Variants in SYNPO observed in about 807,000 individuals in gnomAD.
SYNPO encodes synaptopodin.
Under a neutral mutation model 49.5 loss-of-function variants are expected in SYNPO, and 19 were observed. The observed-to-expected ratio is 0.38, with a 90% CI of 0.27 to 0.56. The LOEUF (loss-of-function observed/expected upper bound fraction) is 0.56. SYNPO is among the 20% of genes least tolerant of loss of function. The pLI, the probability that SYNPO is intolerant of heterozygous loss-of-function variation, is 0.68. For missense variants in SYNPO, 1,131 were observed against 1,248.3 expected (o/e 0.91, Z 1.42); for synonymous variants, 536 against 548.0 (o/e 0.98, Z 0.31).
At chr5:150,625,706 C>T (rs114897955) in intron 2 of SYNPO, among the ~76,000 whole-genome samples, 1,555 of 152,334 alleles carry the variant, frequency 0.01, 21 homozygotes, top group African/African-American at 0.036. Context: ...CTGGCAGGAC[C>T]TCTTTGAGGA....
intron 1 of SYNPO, among the ~76,000 whole-genome samples, chr5:150,617,218 T>C (rs1757005302): frequency 6.6e-6 from 1 of 152,204 alleles, no homozygotes; most frequent in African/African-American, 2.4e-5. Flanking sequence ...GGCTGGCTTG[T>C]TGATCGTCAC....
the SYNPO span, among the ~76,000 whole-genome samples, chr5:150,593,964 T>C: frequency 6.6e-6 from 1 of 152,128 alleles, no homozygotes; most frequent in African/African-American, 2.4e-5. Context: ...TGCTTGGTTC[T>C]GGAATAATAA....
chr5:150,587,326 A>G, the SYNPO span, among the ~76,000 whole-genome samples: 1 of 152,086 alleles, frequency 6.6e-6, no homozygotes, highest in East Asian at 1.9e-4. Context: ...TGAATGCTGC[A>G]TGTAGGTATA....
At chr5:150,652,143 G>A in intron 2 of SYNPO, 1 of 1,002,062 alleles carries the variant, frequency 1.0e-6, no homozygotes, top group Non-Finnish European at 1.2e-6. Context: ...TGGGGGAGTT[G>A]TGAGTGAGCT....
At chr5:150,638,668 G>A (rs539993576), upstream of SYNPO, among the ~76,000 whole-genome samples, 24 of 152,332 alleles carry the variant, frequency 1.6e-4, no homozygotes, top group African/African-American at 5.3e-4. Context: ...TTTGTGGCGG[G>A]CCCAGAGTGT....
At chr5:150,608,966 C>T (rs533544156) in intron 1 of SYNPO, among the ~76,000 whole-genome samples, 3 of 152,170 alleles carry the variant, frequency 2.0e-5, no homozygotes, top group Admixed American at 2.0e-4. Flanking sequence ...GTAAAGTAAC[C>T]GGGGCAAGTT....
chr5:150,611,184 A>C (rs1159226534), intron 1 of SYNPO, among the ~76,000 whole-genome samples: 1 of 152,150 alleles, frequency 6.6e-6, no homozygotes, highest in East Asian at 1.9e-4. Context: ...ACACCATCTG[A>C]CATACTTTCT....
chr5:150,595,330 T>G, the SYNPO span, among the ~76,000 whole-genome samples: 1 of 152,274 alleles, frequency 6.6e-6, no homozygotes, highest in East Asian at 1.9e-4. Context: ...ATGCTAATGC[T>G]GGAAGGATCT....
At chr5:150,608,142 T>C (rs1756745013) in intron 1 of SYNPO, among the ~76,000 whole-genome samples, 1 of 152,272 alleles carries the variant, frequency 6.6e-6, no homozygotes, top group Admixed American at 6.5e-5. Context: ...TTATCACTGG[T>C]TGTTGTTGGT....
At chr5:150,622,697 G>A (rs1231685056) in intron 2 of SYNPO, among the ~76,000 whole-genome samples, 1 of 152,154 alleles carries the variant, frequency 6.6e-6, no homozygotes, top group Admixed American at 6.5e-5. Flanking sequence ...TGGTCACTGG[G>A]CCCAGAACAA....
exon 2 of SYNPO, chr5:150,618,219 T>A (rs1041915775): frequency 9.2e-6 from 9 of 979,298 alleles, no homozygotes; most frequent in Non-Finnish European, 1.3e-5. Flanking sequence ...ACCCCAATTC[T>A]GTGAATCAGC....
At chr5:150,631,849 T>C (rs1313117759) in intron 2 of SYNPO, among the ~76,000 whole-genome samples, 1 of 152,162 alleles carries the variant, frequency 6.6e-6, no homozygotes, top group Non-Finnish European at 1.5e-5. Context: ...AGTGCGTTCC[T>C]GGGCAGGAGG....
exon 1 of SYNPO, chr5:150,601,088 A>T (rs1275550484): frequency 6.6e-6 from 1 of 152,066 alleles, no homozygotes; most frequent in Non-Finnish European, 1.5e-5. Context: ...ACAGAGCGCG[A>T]GTGAGGAGCA....
At chr5:150,591,709 A>C in the SYNPO span, among the ~76,000 whole-genome samples, 1 of 152,240 alleles carries the variant, frequency 6.6e-6, no homozygotes, top group Non-Finnish European at 1.5e-5. Flanking sequence ...GTACATAGTA[A>C]CCATGTAAAT....
chr5:150,638,881 G>T (rs1158718414), upstream of SYNPO, among the ~76,000 whole-genome samples: 1 of 152,212 alleles, frequency 6.6e-6, no homozygotes, highest in African/African-American at 2.4e-5. Context: ...AGCTGGGGCT[G>T]GGGAGAGTGA....
Position 150,656,830 on chromosome 5 carries a change from G to C in SYNPO, c.2455G>C (p.Ala819Pro), listed in dbSNP as rs940196360. ...RPGSAAVPGA[A>P]FAPIPRSPLP... ...CGGCTCGGCTGCTGTGCCGGGGGCA[G>C]CCTTCGCGCCCATCCCGCGGAGCCC... The change falls in exon 3 of 3, where the codon GCC (alanine) becomes CCC (proline). Residue 819 changes from alanine to proline, a missense_variant. Physicochemically the swap from Ala to Pro is conservative, Grantham distance 27. This residue lies in a region of SYNPO where 509 missense variants were observed against 484.5 expected (regional missense o/e 1.05). Transcript: ENST00000307662. 2.0e-6 allele frequency: 3 copies of C among 1,537,670 alleles called. No individual in the cohort carries two copies. The African/African-American group carries it at 4.2e-5, about 21-fold the overall frequency.
intron 1 of SYNPO, among the ~76,000 whole-genome samples, chr5:150,609,622 C>G (rs1169049931): frequency 6.6e-6 from 1 of 152,224 alleles, no homozygotes; most frequent in East Asian, 1.9e-4. Flanking sequence ...ATTTTTAGTC[C>G]TTGAACCCTT....
intron 1 of SYNPO, among the ~76,000 whole-genome samples, chr5:150,642,426 G>A (rs1258723890): frequency 6.6e-6 from 1 of 152,216 alleles, no homozygotes; most frequent in Non-Finnish European, 1.5e-5. Context: ...GGAGGCGGTG[G>A]GGACATCATG....
At chr5:150,612,021 C>A (rs1305337357) in intron 1 of SYNPO, among the ~76,000 whole-genome samples, 2 of 152,322 alleles carry the variant, frequency 1.3e-5, no homozygotes, top group South Asian at 2.1e-4. Context: ...GCTTGGAATT[C>A]CCCGCCTTTG....
Sources: allele counts gnomAD v4.1 joint callset (sites outside exome capture counted in the v4.1 genomes callset), GRCh38; gene constraint gnomAD v4.1.1; regional missense constraint gnomAD v4.1.1; transcripts MANE v1.5; gene names NCBI Gene and HGNC (gene_info 2026-07-23, HGNC 2026-07-21).